IFT80: variants seen among roughly 807,000 people sequenced by gnomAD.
IFT80 encodes the protein intraflagellar transport protein 80 homolog.
A neutral mutation model predicts 107.9 loss-of-function variants in IFT80; 79 were observed. The ratio of observed to expected loss-of-function variants is 0.73; its 90% confidence interval spans 0.61 to 0.88. The LOEUF (loss-of-function observed/expected upper bound fraction) is 0.88, where lower values mean the gene tolerates loss of function less well. IFT80 is among the 40% of genes least tolerant of loss of function. IFT80 has a pLI of 0.00. For synonymous variants in IFT80, 299 were observed against 300.9 expected, an observed-to-expected ratio of 0.99 and a Z score of 0.07; for missense variants, 797 against 914.2, an observed-to-expected ratio of 0.87 and a Z score of 1.65.
At chr3:160,314,523 C>G (rs1412395515) in intron 9 of IFT80, among the ~76,000 whole-genome samples, 2 of 152,178 alleles carry the variant, frequency 1.3e-5, no homozygotes, top group Non-Finnish European at 2.9e-5. Flanking sequence ...TGTAGGAAAA[C>G]AGCACCAGCA....
chr3:160,368,407 G>T (rs1237770405), intron 5 of IFT80, among the ~76,000 whole-genome samples: 1 of 149,692 alleles, frequency 6.7e-6, no homozygotes, highest in Non-Finnish European at 1.5e-5. Flanking sequence ...CACAGTTCAG[G>T]TGTTATAAAA....
intron 11 of IFT80, among the ~76,000 whole-genome samples, chr3:160,301,335 ATTCAT>A (rs1255010100): frequency 2.0e-5 from 3 of 151,918 alleles, no homozygotes. Context: ...TATACCCACA[ATTCAT>A]TTCCTTTCCT....
chr3:160,394,714 C>T (rs908654704), intron 1 of IFT80, among the ~76,000 whole-genome samples: 4 of 151,304 alleles, frequency 2.6e-5, no homozygotes, highest in Admixed American at 6.6e-5. Flanking sequence ...TGTGCCACTA[C>T]GCTCCAGCCT....
chr3:160,385,736 C>A (rs1712881552), intron 1 of IFT80, among the ~76,000 whole-genome samples: 1 of 152,196 alleles, frequency 6.6e-6, no homozygotes, highest in Admixed American at 6.5e-5. Flanking sequence ...TTCTTAAGTT[C>A]ACTTTTTTGG....
At chr3:160,398,964 C>T (rs62272231) in intron 1 of IFT80, among the ~76,000 whole-genome samples, 182 bp downstream of exon 1, 6,925 of 152,168 alleles carry the variant, frequency 0.046, 223 homozygotes, top group Middle Eastern at 0.078. Flanking sequence ...TCTCTACTCC[C>T]TTAAAATTTA....
At chr3:160,305,224 C>T (rs1471693177) in intron 10 of IFT80, among the ~76,000 whole-genome samples, 4 of 152,086 alleles carry the variant, frequency 2.6e-5, no homozygotes, top group Non-Finnish European at 5.9e-5. Context: ...TTAAATCCCA[C>T]GTTCAAATCC....
At chr3:160,397,716 CTTTTTT>C (rs545413654) in intron 1 of IFT80, among the ~76,000 whole-genome samples, 3 of 96,578 alleles carry the variant, frequency 3.1e-5, no homozygotes, top group East Asian at 5.2e-4. Flanking sequence ...TTGGTCTATA[CTTTTTT>C]TTTTTTTTTT....
intron 7 of IFT80, 29 bp from the exon 8 acceptor site, chr3:160,356,179 A>G: frequency 6.2e-7 from 1 of 1,605,656 alleles, no homozygotes; most frequent in Non-Finnish European, 8.5e-7. Context: ...AAAATCTTTT[A>G]TAATATCAGG....
intron 9 of IFT80, among the ~76,000 whole-genome samples, chr3:160,310,040 AC>A (rs1285281980): frequency 1.6e-4 from 25 of 152,060 alleles, no homozygotes; most frequent in African/African-American, 5.8e-4. Flanking sequence ...TCAAGTAAAA[AC>A]GAAAAAAAAA....
chr3:160,307,678 T>C lies in IFT80; in HGVS notation c.1061A>G (p.Gln354Arg). The change falls in exon 10 of 20, where the codon CAA becomes CGA. Residue 354 changes from glutamine (Q) to arginine (R), a missense_variant. Transcript: ENST00000326448. ...AGATGCTTACGAGAACACGTAACATTGAAGAGACGTTGAAACAACTAAGTG... is the reference window on the plus strand; with the variant it reads ...AGATGCTTACGAGAACACGTAACATCGAAGAGACGTTGAAACAACTAAGTG... ...YAHLVVSTSL[Q>R]CYVFSTKNWN... The C allele has an allele frequency of 6.5e-7, 1 of 1,543,994 alleles. No individual in the cohort carries two copies. Among genetic ancestry groups the C allele is most frequent in the Non-Finnish European group, 9.0e-7 (1 of 1,116,400 alleles).
At chr3:160,380,230 T>A (rs897433397) in intron 3 of IFT80, among the ~76,000 whole-genome samples, 1 of 151,630 alleles carries the variant, frequency 6.6e-6, no homozygotes, top group African/African-American at 2.4e-5. Context: ...CAGACGGGGG[T>A]TTCATCATGT....
At chr3:160,299,848 ACCT>A (rs372195505) in intron 12 of IFT80, among the ~76,000 whole-genome samples, 159 of 151,864 alleles carry the variant, frequency 1.0e-3, no homozygotes, top group African/African-American at 3.6e-3. Flanking sequence ...CCTCCAAATG[ACCT>A]CCTTCTCTGT....
intron 3 of IFT80, among the ~76,000 whole-genome samples, chr3:160,380,216 A>G (rs906939959): frequency 1.3e-5 from 2 of 151,788 alleles, no homozygotes; most frequent in Admixed American, 6.6e-5. Context: ...TTTGTATTTC[A>G]GTACAGACGG....
At chr3:160,322,243 T>A (rs993583988) in intron 8 of IFT80, among the ~76,000 whole-genome samples, 3 of 147,034 alleles carry the variant, frequency 2.0e-5, no homozygotes, top group African/African-American at 5.0e-5. Flanking sequence ...TGTCCATGTG[T>A]TCTCATTGTT....
At position 160,320,035 on chromosome 3, in the gene IFT80, T is replaced by A; in HGVS notation, c.778-96A>T. On this transcript the variant is annotated intron_variant, in intron 8 of 19. Transcript: ENST00000326448. ...CATGACAACGTAATAAGATCATTTTTAAAAGAATGTCTATTCTGGAATTAT... is the reference window on the plus strand; with the variant it reads ...CATGACAACGTAATAAGATCATTTTAAAAAGAATGTCTATTCTGGAATTAT... 3 of 791,084 alleles carry A rather than the reference T, an allele frequency of 3.8e-6. No individual in the cohort carries two copies. The South Asian group carries it at 4.7e-5, about 12-fold the overall frequency. The allele number at this position is 791,084 out of a possible 1,614,324, so 49.0% of individuals were successfully genotyped here.
chr3:160,299,916 C>G (rs1342657876), intron 12 of IFT80, among the ~76,000 whole-genome samples: 1 of 152,154 alleles, frequency 6.6e-6, no homozygotes, highest in Non-Finnish European at 1.5e-5. Flanking sequence ...TGCCTTCTCT[C>G]TTTCCTCCAT....
chr3:160,354,505 T>C (rs1036845254), intron 8 of IFT80, among the ~76,000 whole-genome samples: 3 of 151,776 alleles, frequency 2.0e-5, no homozygotes, highest in Non-Finnish European at 2.9e-5. Context: ...CCAAAAAAAC[T>C]AGCCGGGCGT....
At chr3:160,384,461 GA>G (rs551395574) in intron 2 of IFT80, 102 bp downstream of exon 2, 1,080 of 1,322,106 alleles carry the variant, frequency 8.2e-4, no homozygotes, top group South Asian at 1.8e-3. Flanking sequence ...CTAAAGGAAT[GA>G]AAAAAAAAAT....
In IFT80 at chr3:160,370,825, A is replaced by C. The variant is rs553069186; in HGVS notation, c.440-4673T>G. 1.2e-4 allele frequency among the ~76,000 whole-genome samples: 18 copies of C among 152,302 alleles called. No homozygotes were observed. In the South Asian group the frequency reaches 3.5e-3, roughly 30 times the overall value. Reference sequence around the variant, plus strand: ...TACTCTTACAGGGTACATCCCTCTCAGTCTCTGAGAACTATCCACTTTTCC... The same window carrying C: ...TACTCTTACAGGGTACATCCCTCTCCGTCTCTGAGAACTATCCACTTTTCC... On this transcript the variant is annotated intron_variant, in intron 5 of 19. Coordinates refer to ENST00000326448, the MANE Select transcript of IFT80 (RefSeq NM_020800.3).
Sources: allele counts gnomAD v4.1 joint callset (sites outside exome capture counted in the v4.1 genomes callset), GRCh38; gene constraint gnomAD v4.1.1; transcripts MANE v1.5; gene names NCBI Gene and HGNC (gene_info 2026-07-23, HGNC 2026-07-21).